The following DMGDH variants were observed in gnomAD, a reference collection of about 807,000 sequenced individuals.
DMGDH encodes the protein dimethylglycine dehydrogenase.
DMGDH carries 76 observed loss-of-function variants against 95.2 expected under a neutral mutation model. The observed-to-expected ratio is 0.80, with a 90% CI of 0.66 to 0.97. The LOEUF is 0.97. Among genes scored for constraint, DMGDH ranks in the 50% least tolerant of loss-of-function variants. The pLI is 0.00. For missense variants in DMGDH, 987 were observed against 1,055.0 expected (o/e 0.94, Z 0.89); for synonymous variants, 345 against 377.6 (o/e 0.91, Z 1.00).
At chr5:79,013,178 T>C (rs1753675041) in intron 14 of DMGDH, among the ~76,000 whole-genome samples, 1 of 152,208 alleles carries the variant, frequency 6.6e-6, no homozygotes, top group Admixed American at 6.5e-5. Context: ...GGCCACATCT[T>C]GAATGCTTTG....
rs1480719645 is a variant in DMGDH, at chr5:79,028,636, T to G, written c.1829A>C (p.Glu610Ala). 2 of 1,614,150 alleles carry G rather than the reference T, an allele frequency of 1.2e-6. No individual in the cohort carries two copies. The highest frequency in any genetic ancestry group is 1.1e-5 in the South Asian group (1 of 91,078). ...AACATCATATCCACCTTTGACTGCTTCTTCTTCAATCCATCTGCGTTTTAG... is the reference window on the plus strand; with the variant it reads ...AACATCATATCCACCTTTGACTGCTGCTTCTTCAATCCATCTGCGTTTTAG... Reference protein sequence around the residue: ...ELHDLRWIEEEAVKGGYDVEI... With the variant: ...ELHDLRWIEEAAVKGGYDVEI... The change falls in exon 12 of 16, where the codon GAA (glutamate) becomes GCA (alanine). Residue 610 changes from glutamate (E) to alanine (A), a missense_variant. By Grantham distance (107) the Glu-to-Ala change is moderately radical. Coordinates refer to ENST00000255189, the MANE Select transcript of DMGDH (RefSeq NM_013391.3).
intron 15 of DMGDH, among the ~76,000 whole-genome samples, chr5:78,998,904 A>G (rs543984099): frequency 6.6e-6 from 1 of 152,376 alleles, no homozygotes; most frequent in East Asian, 1.9e-4. Flanking sequence ...ACTGGAAATC[A>G]GGTCTAAAGG....
intron 5 of DMGDH, among the ~76,000 whole-genome samples, chr5:79,045,295 G>A (rs1016124185): frequency 2.0e-5 from 3 of 151,966 alleles, no homozygotes; most frequent in East Asian, 3.9e-4. Context: ...GAGTTCCCCA[G>A]ACGAATGTTT....
At chr5:79,044,260 C>T in intron 6 of DMGDH, 44 bp downstream of exon 6, 1 of 1,613,984 alleles carries the variant, frequency 6.2e-7, no homozygotes, top group Non-Finnish European at 8.5e-7. Flanking sequence ...AGAGGATGAA[C>T]CATTCATGTC....
intron 9 of DMGDH, among the ~76,000 whole-genome samples, chr5:79,031,396 G>T (rs116236157): frequency 0.03 from 4,540 of 152,292 alleles, 199 homozygotes; most frequent in Admixed American, 0.13. Context: ...GTCTGGGTTG[G>T]GAGGCGGGGT....
At chr5:79,019,613 G>A (rs549577479) in intron 14 of DMGDH, among the ~76,000 whole-genome samples, 60 of 152,224 alleles carry the variant, frequency 3.9e-4, no homozygotes, top group African/African-American at 1.4e-3. Context: ...GGCCAAGTGC[G>A]GTGACTCATG....
At chr5:79,020,408 T>C (rs1008139739) in intron 14 of DMGDH, among the ~76,000 whole-genome samples, 3 of 152,218 alleles carry the variant, frequency 2.0e-5, no homozygotes, top group Admixed American at 6.5e-5. Flanking sequence ...TTGACCACTA[T>C]ATTAACAATT....
At chr5:79,007,560 T>G (rs1212974715) in intron 14 of DMGDH, among the ~76,000 whole-genome samples, 1 of 152,214 alleles carries the variant, frequency 6.6e-6, no homozygotes. Context: ...GGGGTGCTTT[T>G]CAGAGTTCTT....
At chr5:79,057,135 C>G (rs1181528134) in intron 2 of DMGDH, among the ~76,000 whole-genome samples, 5 of 152,138 alleles carry the variant, frequency 3.3e-5, no homozygotes, top group Non-Finnish European at 7.4e-5. Context: ...TGGTACACTG[C>G]AAATCTTTGT....
At chr5:79,060,845 GA>G (rs1486339737) in intron 2 of DMGDH, among the ~76,000 whole-genome samples, 1 of 151,154 alleles carries the variant, frequency 6.6e-6, no homozygotes, top group African/African-American at 2.4e-5. Context: ...TTGAACCCAG[GA>G]GATGGAGGTT....
rs758000522 is a variant in DMGDH, at chr5:79,042,338, G to A, written c.1138C>T (p.Pro380Ser). ...ACCCCCTGATGGGGCCCCACCATAGGCAGAATGTCAGGAGAATACGTGATA... is the reference window on the plus strand; with the variant it reads ...ACCCCCTGATGGGGCCCCACCATAGACAGAATGTCAGGAGAATACGTGATA... ...GPITYSPDIL[P>S]MVGPHQGVRN... The change falls in exon 7 of 16, where the codon CCT (proline) becomes TCT (serine). Residue 380 changes from proline (P) to serine (S), a missense_variant. Physicochemically the swap from Pro to Ser is moderately conservative, Grantham distance 74. Transcript: ENST00000255189. 1.2e-6 allele frequency: 2 copies of A among 1,614,072 alleles called. No individual in the cohort carries two copies. The highest frequency in any genetic ancestry group is 1.7e-6 in the Non-Finnish European group (2 of 1,180,040).
intron 14 of DMGDH, among the ~76,000 whole-genome samples, chr5:79,023,764 C>T (rs761529700): frequency 3.3e-4 from 50 of 152,276 alleles, no homozygotes; most frequent in South Asian, 6.2e-4. Context: ...ACGTTTGAAA[C>T]GTGTTATTTG....
chr5:79,011,911 A>G (rs1345903130), intron 14 of DMGDH, among the ~76,000 whole-genome samples: 23 of 152,172 alleles, frequency 1.5e-4, no homozygotes. Flanking sequence ...ATTACAATTC[A>G]ACATGAGATT....
intron 2 of DMGDH, among the ~76,000 whole-genome samples, chr5:79,060,703 G>C (rs1416709769): frequency 1.3e-5 from 2 of 150,618 alleles, no homozygotes; most frequent in South Asian, 4.2e-4. Flanking sequence ...GGCAGATCAC[G>C]AGGTCAAGAG....
intron 14 of DMGDH, among the ~76,000 whole-genome samples, chr5:79,023,472 T>A (rs1753915441): frequency 6.6e-6 from 1 of 152,200 alleles, no homozygotes; most frequent in Non-Finnish European, 1.5e-5. Flanking sequence ...CCACTATAAT[T>A]ATTTAGAGTA....
intron 15 of DMGDH, 38 bp from the exon 16 acceptor site, chr5:78,998,335 C>G (rs1753396263): frequency 6.3e-7 from 1 of 1,579,632 alleles, no homozygotes; most frequent in South Asian, 1.1e-5. Context: ...GCATCTTGGT[C>G]ACAGCTCTGT....
chr5:79,033,901 C>T (rs569895990), intron 7 of DMGDH, among the ~76,000 whole-genome samples: 7 of 152,204 alleles, frequency 4.6e-5, no homozygotes, highest in African/African-American at 1.2e-4. Context: ...CACTGCACTC[C>T]GGCCTGGGTA....
At chr5:79,008,924 T>G (rs1330018409) in intron 14 of DMGDH, among the ~76,000 whole-genome samples, 1 of 152,198 alleles carries the variant, frequency 6.6e-6, no homozygotes, top group African/African-American at 2.4e-5. Context: ...GATGGATATT[T>G]TAATCCCCAG....
intron 2 of DMGDH, among the ~76,000 whole-genome samples, chr5:79,063,310 T>C (rs1755263742): frequency 6.6e-6 from 1 of 152,170 alleles, no homozygotes; most frequent in Non-Finnish European, 1.5e-5. Flanking sequence ...ATTAGGTAAG[T>C]ACTATTAATA....
Sources: allele counts gnomAD v4.1 joint callset (sites outside exome capture counted in the v4.1 genomes callset), GRCh38; gene constraint gnomAD v4.1.1; transcripts MANE v1.5; gene names NCBI Gene and HGNC (gene_info 2026-07-23, HGNC 2026-07-21).